The following CDH18 variants were observed in gnomAD, a reference collection of about 807,000 sequenced individuals.
CDH18 encodes the protein cadherin 18, also known as cadherin-18.
A neutral mutation model predicts 67.9 loss-of-function variants in CDH18; 31 were observed. The ratio of observed to expected loss-of-function variants is 0.46; its 90% CI spans 0.34 to 0.62. CDH18 has a LOEUF of 0.62. Ranked by LOEUF, CDH18 falls within the 20% of genes least tolerant of loss-of-function variation. The pLI is 0.01. For synonymous variants in CDH18, 362 were observed against 347.2 expected (o/e 1.04, Z -0.48); for missense variants, 890 against 975.5 (o/e 0.91, Z 1.17).
At chr5:20,461,972 C>A (rs1346785361) in intron 1 of CDH18, among the ~76,000 whole-genome samples, 1 of 152,090 alleles carries the variant, frequency 6.6e-6, no homozygotes, top group African/African-American at 2.4e-5. Context: ...TTTCTGAAAA[C>A]ACTAAAAATA....
intron 2 of CDH18, among the ~76,000 whole-genome samples, chr5:19,889,659 G>C (rs561437789): frequency 9.6e-4 from 146 of 152,056 alleles, no homozygotes; most frequent in African/African-American, 3.4e-3. Context: ...TTTCCTTAAG[G>C]GAAGGTTTTT....
rs185549041 is a variant in CDH18 at position 19,674,805 on chromosome 5, C to T, written c.643+46542G>A. ...AAGGATTCTTAGCTTTTTAACACACCGGTTTATCGTTACACAAATCTAGAC... is the reference window on the plus strand; with the variant it reads ...AAGGATTCTTAGCTTTTTAACACACTGGTTTATCGTTACACAAATCTAGAC... On this transcript the variant is annotated intron_variant, in intron 5 of 12. Coordinates refer to ENST00000382275, the MANE Select transcript of CDH18 (RefSeq NM_004934.5). 4.0e-3 allele frequency among the ~76,000 whole-genome samples: 616 copies of T among 152,102 alleles called. 3 individuals are homozygous for T. Among genetic ancestry groups the T allele is most frequent in the African/African-American group, 4.2e-3 (173 of 41,514 alleles).
chr5:20,019,137 C>A (rs1025465578), intron 2 of CDH18, among the ~76,000 whole-genome samples: 2 of 152,030 alleles, frequency 1.3e-5, no homozygotes, highest in African/African-American at 4.8e-5. Flanking sequence ...GTGAACTGTG[C>A]CTTGGTATTT....
intron 1 of CDH18, among the ~76,000 whole-genome samples, chr5:20,517,536 A>G (rs984387370): frequency 6.6e-6 from 1 of 151,938 alleles, no homozygotes; most frequent in African/African-American, 2.4e-5. Flanking sequence ...GTAGACAATT[A>G]ATTTAAATCT....
At chr5:19,650,655 G>A (rs1755440814) in intron 5 of CDH18, among the ~76,000 whole-genome samples, 1 of 151,982 alleles carries the variant, frequency 6.6e-6, no homozygotes, top group Non-Finnish European at 1.5e-5. Context: ...ACATGACATT[G>A]AGTACCATAT....
At chr5:19,509,391 T>A (rs1400126928) in intron 10 of CDH18, among the ~76,000 whole-genome samples, 1 of 152,060 alleles carries the variant, frequency 6.6e-6, no homozygotes, top group Non-Finnish European at 1.5e-5. Context: ...TCCCCACCAG[T>A]ATACAACATA....
chr5:19,547,353 C>CA (rs1461086238), intron 8 of CDH18, among the ~76,000 whole-genome samples: 1 of 152,104 alleles, frequency 6.6e-6, no homozygotes, highest in East Asian at 1.9e-4. Flanking sequence ...TTGGAGGATT[C>CA]AAATTTGGAA....
At chr5:20,309,889 T>G (rs536279780) in intron 1 of CDH18, among the ~76,000 whole-genome samples, 1 of 152,342 alleles carries the variant, frequency 6.6e-6, no homozygotes, top group African/African-American at 2.4e-5. Flanking sequence ...GTATCTTTAC[T>G]TTCATTTTCA....
intron 10 of CDH18, among the ~76,000 whole-genome samples, chr5:19,517,543 C>T (rs751492249): frequency 1.3e-5 from 2 of 152,042 alleles, no homozygotes; most frequent in Non-Finnish European, 2.9e-5. Flanking sequence ...ATCTTAGGTC[C>T]TGTGATTTTG....
chr5:19,617,080 T>C (rs1352014311), intron 5 of CDH18, among the ~76,000 whole-genome samples: 1 of 152,182 alleles, frequency 6.6e-6, no homozygotes, highest in Non-Finnish European at 1.5e-5. Context: ...AATATTCAGT[T>C]TGATTTGTGT....
chr5:19,664,614 G>C (rs1422090408), intron 5 of CDH18, among the ~76,000 whole-genome samples: 1 of 151,710 alleles, frequency 6.6e-6, no homozygotes, highest in South Asian at 2.1e-4. Context: ...AAAATATTTA[G>C]TTAAATATAA....
intron 5 of CDH18, among the ~76,000 whole-genome samples, chr5:19,718,701 C>A (rs931465470): frequency 6.6e-6 from 1 of 151,818 alleles, no homozygotes; most frequent in Admixed American, 6.6e-5. Context: ...GACAGATATC[C>A]ATAGGTTCCC....
chr5:19,812,446 T>C (rs1485427265), intron 3 of CDH18, among the ~76,000 whole-genome samples: 1 of 152,152 alleles, frequency 6.6e-6, no homozygotes, highest in Non-Finnish European at 1.5e-5. Context: ...TATGTCGTTG[T>C]TGGAGAAGTA....
intron 3 of CDH18, among the ~76,000 whole-genome samples, chr5:19,808,590 C>G (rs1398703264): frequency 6.6e-6 from 1 of 151,878 alleles, no homozygotes; most frequent in African/African-American, 2.4e-5. Context: ...CTTAGGGAGG[C>G]CGAGGTGGGT....
chr5:20,329,604 AACAC>A (rs954428829), intron 1 of CDH18, among the ~76,000 whole-genome samples: 1 of 151,384 alleles, frequency 6.6e-6, no homozygotes, highest in African/African-American at 2.4e-5. Context: ...CTCTACTAAA[AACAC>A]ACACACACAA....
At chr5:20,451,705 A>G (rs1214853881) in intron 1 of CDH18, among the ~76,000 whole-genome samples, 3 of 152,134 alleles carry the variant, frequency 2.0e-5, no homozygotes, top group African/African-American at 7.2e-5. Flanking sequence ...TTTCTTGTAA[A>G]TATTTTGATT....
chr5:20,172,190 GTATATATATATATATATATA>G (rs70954640), intron 2 of CDH18, among the ~76,000 whole-genome samples: 4 of 23,318 alleles, frequency 1.7e-4, no homozygotes, highest in African/African-American at 3.2e-4. Context: ...AGCATTGTGT[GTATATATATATATATATATA>G]TATATATATA....
At chr5:20,030,143 C>G (rs1309639699) in intron 2 of CDH18, among the ~76,000 whole-genome samples, 1 of 152,162 alleles carries the variant, frequency 6.6e-6, no homozygotes, top group African/African-American at 2.4e-5. Context: ...CAACTTTACT[C>G]TGTCAATGGC....
intron 1 of CDH18, among the ~76,000 whole-genome samples, chr5:20,564,072 T>A (rs114218868): frequency 5.3e-5 from 8 of 152,032 alleles, no homozygotes; most frequent in Non-Finnish European, 1.0e-4. Flanking sequence ...ATTCACAACA[T>A]CCATTTTCCT....
Sources: allele counts gnomAD v4.1 joint callset (sites outside exome capture counted in the v4.1 genomes callset), GRCh38; gene constraint gnomAD v4.1.1; transcripts MANE v1.5; gene names NCBI Gene and HGNC (gene_info 2026-07-23, HGNC 2026-07-21).